Variants in FAM50B observed in about 807,000 individuals in gnomAD.
FAM50B encodes the protein family with sequence similarity 50 member B.
In FAM50B, 9 loss-of-function variants were observed where a neutral mutation model predicts 25.4. The observed-to-expected ratio is 0.35, with a 90% CI of 0.21 to 0.62. The LOEUF (loss-of-function observed/expected upper bound fraction) is 0.62, where lower values mean the gene tolerates loss of function less well. FAM50B is among the 20% of genes least tolerant of loss of function. The probability of loss-of-function intolerance (pLI) is 0.73; values close to 1 mark genes in which losing one functional copy is unlikely to be tolerated. For missense variants in FAM50B, 372 were observed against 477.9 expected, an observed-to-expected ratio of 0.78 and a Z score of 2.07; for synonymous variants, 212 against 204.3, an observed-to-expected ratio of 1.04 and a Z score of -0.32.
Position 3,850,184 on chromosome 6 carries a change from G to A in FAM50B, c.373G>A (p.Asp125Asn). 1 of 1,613,412 alleles carries A rather than the reference G, an allele frequency of 6.2e-7. No homozygotes were observed. Among genetic ancestry groups the A allele is most frequent in the South Asian group, 1.1e-5 (1 of 91,080 alleles). Residue 125 changes from aspartate (D) to asparagine (N), a missense_variant, in exon 2 of 2, where the codon GAC (aspartate) becomes AAC (asparagine). Coordinates refer to ENST00000648326, the MANE Select transcript of FAM50B (RefSeq NM_012135.3). ...RKISCLSFAL[D>N]DLDDQADAAE... ...GATCTCCTGCCTGTCCTTTGCACTA[G>A]ACGACCTCGATGACCAGGCCGACGC...
chr6:3,834,652 TCACA>T, the FAM50B span, among the ~76,000 whole-genome samples: 1 of 152,074 alleles, frequency 6.6e-6, no homozygotes, highest in South Asian at 2.1e-4. Flanking sequence ...AAGAATTATC[TCACA>T]GAGATGCATA....
upstream of FAM50B, among the ~76,000 whole-genome samples, chr6:3,848,227 A>G (rs955912742): frequency 3.3e-5 from 5 of 152,278 alleles, no homozygotes; most frequent in African/African-American, 1.2e-4. Context: ...CAAAACACAC[A>G]GTATCCCAGA....
chr6:3,839,646 T>C, the FAM50B span, among the ~76,000 whole-genome samples: 1 of 152,228 alleles, frequency 6.6e-6, no homozygotes, highest in Non-Finnish European at 1.5e-5. Context: ...TTCAATTTTG[T>C]TAAAATATTC....
At chr6:3,840,647 C>T in the FAM50B span, among the ~76,000 whole-genome samples, 7 of 152,158 alleles carry the variant, frequency 4.6e-5, no homozygotes, top group African/African-American at 1.2e-4. Flanking sequence ...GAATGCCCAA[C>T]GCTGGAGCAT....
chr6:3,836,421 C>T, the FAM50B span, among the ~76,000 whole-genome samples: 1 of 152,182 alleles, frequency 6.6e-6, no homozygotes, highest in South Asian at 2.1e-4. Flanking sequence ...AGGAAGCTTT[C>T]ACCTTTTACA....
upstream of FAM50B, among the ~76,000 whole-genome samples, chr6:3,848,896 G>A (rs191342536): frequency 1.5e-3 from 234 of 152,216 alleles, no homozygotes; most frequent in African/African-American, 5.4e-3. Context: ...TGGTTGTGTT[G>A]GGGCCATAAG....
At chr6:3,839,911 C>T in the FAM50B span, among the ~76,000 whole-genome samples, 1 of 152,096 alleles carries the variant, frequency 6.6e-6, no homozygotes, top group Non-Finnish European at 1.5e-5. Flanking sequence ...TTTGGGAGGC[C>T]GAGGCGGGTG....
At chr6:3,833,162 C>T in the FAM50B span, among the ~76,000 whole-genome samples, 1 of 152,110 alleles carries the variant, frequency 6.6e-6, no homozygotes, top group Non-Finnish European at 1.5e-5. Context: ...ACCTGGCAAC[C>T]GTTTTAATTT....
rs1762205605 is a variant in FAM50B at position 3,850,693 on chromosome 6, G to A, written c.882G>A (p.Leu294=). ...AGTCGCACGCGGGCAAGGTGGTGCT[G>A]CGCAGCTGGTACGAGAAGAACAAGC... The part of the protein sequence containing the change: ...KDESHAGKVV[L]RSWYEKNKHI... Residue 294 remains leucine, a synonymous_variant, in exon 2 of 2, where the codon CTG becomes CTA. Transcript: ENST00000648326. 1 of 1,613,990 alleles carries A rather than the reference G, an allele frequency of 6.2e-7. No individual in the cohort carries two copies. Among genetic ancestry groups the A allele is most frequent in the Admixed American group, 1.7e-5 (1 of 60,010 alleles).
the FAM50B span, among the ~76,000 whole-genome samples, chr6:3,841,384 T>A: frequency 1.3e-5 from 2 of 152,094 alleles, no homozygotes; most frequent in African/African-American, 2.4e-5. Flanking sequence ...AGTGGGTTTA[T>A]CAAAAGTTCC....
chr6:3,850,385 T>C lies in FAM50B; in HGVS notation c.574T>C (p.Trp192Arg). The change falls in exon 2 of 2, where the codon TGG (tryptophan) becomes CGG (arginine). Residue 192 changes from tryptophan (W) to arginine (R), a missense_variant. Coordinates refer to ENST00000648326, the MANE Select transcript of FAM50B (RefSeq NM_012135.3). ...GGAGATGGAGGTCACCTTCAGCTAC[T>C]GGGACGGCTCGGGCCACCGGCGCAC... is the stretch of plus-strand genomic sequence containing the variant. ...DEEMEVTFSY[W>R]DGSGHRRTVR... 1 of 1,613,400 alleles carries C rather than the reference T, an allele frequency of 6.2e-7. No individual in the cohort carries two copies. The highest frequency in any genetic ancestry group is 1.1e-5 in the South Asian group (1 of 91,086).
the FAM50B span, among the ~76,000 whole-genome samples, chr6:3,842,026 A>G: frequency 6.6e-6 from 1 of 152,256 alleles, no homozygotes; most frequent in Admixed American, 6.5e-5. Flanking sequence ...GCCCCAGCAG[A>G]AGAGCGCTTC....
Position 3,850,511 on chromosome 6 carries a change from C to G in FAM50B, c.700C>G (p.Gln234Glu). The change falls in exon 2 of 2, where the codon CAG becomes GAG. Residue 234 changes from glutamine (Q) to glutamate (E), a missense_variant. Physicochemically the swap from Gln to Glu is conservative, Grantham distance 29. Around this residue, in one of 4 missense-constraint regions of FAM50B, gnomAD observed 224 missense variants for 232.2 expected, o/e 0.96. Coordinates refer to ENST00000648326, the MANE Select transcript of FAM50B (RefSeq NM_012135.3). The part of the protein sequence containing the change: ...FLELRSAGVE[Q>E]LMFIKEDLIL... ...GGAGCTGCGCTCCGCCGGCGTGGAGCAGCTCATGTTCATCAAGGAGGACCT... is the reference window on the plus strand; with the variant it reads ...GGAGCTGCGCTCCGCCGGCGTGGAGGAGCTCATGTTCATCAAGGAGGACCT... 6.2e-7 allele frequency: 1 copy of G among 1,613,852 alleles called. No homozygotes were observed. Among genetic ancestry groups the G allele is most frequent in the Non-Finnish European group, 8.5e-7 (1 of 1,180,028 alleles).
chr6:3,842,626 A>G, the FAM50B span, among the ~76,000 whole-genome samples: 1 of 152,164 alleles, frequency 6.6e-6, no homozygotes, highest in Admixed American at 6.5e-5. Flanking sequence ...TCAAAACAAA[A>G]GATGTTCCAC....
At chr6:3,842,163 T>A in the FAM50B span, among the ~76,000 whole-genome samples, 1 of 152,168 alleles carries the variant, frequency 6.6e-6, no homozygotes, top group South Asian at 2.1e-4. Context: ...AGCACAGAGG[T>A]GTTTAGATAC....
upstream of FAM50B, among the ~76,000 whole-genome samples, chr6:3,845,161 GTT>G: frequency 6.6e-6 from 1 of 152,320 alleles, no homozygotes; most frequent in South Asian, 2.1e-4. Context: ...GAAAGAGGAA[GTT>G]ATCATCTTGG....
chr6:3,836,945 AAGAGAAGATAC>A, the FAM50B span, among the ~76,000 whole-genome samples: 1 of 152,348 alleles, frequency 6.6e-6, no homozygotes, highest in African/African-American at 2.4e-5. Context: ...TCGCATTATC[AAGAGAAGATAC>A]AGGCTTCGTG....
chr6:3,836,227 C>T, the FAM50B span, among the ~76,000 whole-genome samples: 10 of 152,292 alleles, frequency 6.6e-5, no homozygotes, highest in East Asian at 1.7e-3. Context: ...CTAGTCCTGT[C>T]CCCTAGACCC....
At chr6:3,847,466 C>G (rs1441152755), upstream of FAM50B, among the ~76,000 whole-genome samples, 7 of 152,256 alleles carry the variant, frequency 4.6e-5, no homozygotes. Context: ...GACTTTTCTT[C>G]TGAAGCTTCC....
Sources: gnomAD v4.1 joint callset for allele counts (sites outside exome capture counted in the v4.1 genomes callset) on GRCh38, gnomAD v4.1.1 for gene constraint, gnomAD v4.1.1 regional missense constraint, MANE v1.5 for transcripts, NCBI Gene and HGNC (gene_info 2026-07-23, HGNC 2026-07-21) for gene names.